Variants in MPP1 observed in about 807,000 individuals in gnomAD.
MPP1 encodes the protein MAGUK p55 scaffold protein 1.
In MPP1, 6 loss-of-function variants were observed where a neutral mutation model predicts 38.2. The ratio of observed to expected loss-of-function variants is 0.16; its 90% CI spans 0.09 to 0.31. The LOEUF (loss-of-function observed/expected upper bound fraction) is 0.31. MPP1 is among the 10% of genes least tolerant of loss of function. MPP1 has a pLI of 1.00. For synonymous variants in MPP1, 153 were observed against 146.3 expected, an observed-to-expected ratio of 1.05 and a Z score of -0.33; for missense variants, 293 against 368.9, an observed-to-expected ratio of 0.79 and a Z score of 1.69.
intron 6 of MPP1, 105 bp downstream of exon 6, chrX:154,786,099 C>G (rs2072069100): frequency 2.6e-6 from 2 of 774,507 alleles, no homozygotes; most frequent in South Asian, 5.3e-5. Context: ...TCTAGGAGGT[C>G]TCCTTGGTTG....
Position 154,778,817 on chromosome X carries a change from A to AAAT in MPP1, c.*357_*359dup, listed in dbSNP as rs1236075861. 1.1e-5 allele frequency: 2 copies of AAAT among 185,317 alleles called. No individual in the cohort carries two copies. The highest frequency in any genetic ancestry group is 2.0e-5 in the Non-Finnish European group (2 of 100,033). The allele number at this position is 185,317 out of a possible 1,213,427, so 15.3% of individuals were successfully genotyped here. A position where few individuals can be genotyped will look rare whatever the true frequency, so the allele number is the denominator to read the frequency against. On this transcript the variant is annotated 3_prime_UTR_variant, in exon 12 of 12. Transcript: ENST00000369534. ...AACGCTTTCTCCAAAATAAAAAGAC[A>AAAT]AATGAAATACCCAGCATATACAGTT... is the stretch of plus-strand genomic sequence containing the variant.
chrX:154,791,265 C>T (rs2072139420), intron 3 of MPP1, 197 bp from the exon 4 acceptor site: 2 of 421,211 alleles, frequency 4.7e-6, no homozygotes. Context: ...AGTAGTCCAA[C>T]AGCACAATAA....
At chrX:154,784,185 C>T in intron 7 of MPP1, 77 bp from the exon 8 acceptor site, 1 of 814,473 alleles carries the variant, frequency 1.2e-6, no homozygotes, top group Non-Finnish European at 1.8e-6. Flanking sequence ...AAATGGGAAA[C>T]AGCCTCGCGA....
chrX:154,791,298 G>A, intron 3 of MPP1: 1 of 396,548 alleles, frequency 2.5e-6, no homozygotes, highest in South Asian at 4.4e-5. Context: ...TCAAATTCCT[G>A]GAACTAGAGT....
At chrX:154,792,099 G>A in intron 2 of MPP1, 43 bp downstream of exon 2, 2 of 1,195,739 alleles carry the variant, frequency 1.7e-6, no homozygotes, top group Non-Finnish European at 2.3e-6. Flanking sequence ...GTGACTCATG[G>A]GGCAGAGAGT....
At chrX:154,780,687 A>G (rs1421757679) in intron 11 of MPP1, among the ~76,000 whole-genome samples, 2 of 111,406 alleles carry the variant, frequency 1.8e-5, no homozygotes, top group Non-Finnish European at 3.7e-5. Flanking sequence ...TGACTGCAGT[A>G]TTACACATGC....
chrX:154,791,979 C>T lies in MPP1; in HGVS notation c.247-132G>A. ...CAGGATAGTCCTCAACTAGAACAGG[C>T]ATGAAGCCTGCTTTGAGGAGGAATT... On this transcript the variant is annotated intron_variant, in intron 2 of 11. Transcript: ENST00000369534. The T allele has an allele frequency of 4.2e-6, 4 of 962,860 alleles. No individual in the cohort carries two copies. In the South Asian group the frequency reaches 8.9e-5, roughly 21 times the overall value. The allele number at this position is 962,860 out of a possible 1,213,427, so 79.4% of individuals were successfully genotyped here. A position where few individuals can be genotyped will look rare whatever the true frequency, so the allele number is the denominator to read the frequency against.
chrX:154,787,505 T>G (rs1557267344), intron 5 of MPP1, among the ~76,000 whole-genome samples: 1 of 112,155 alleles, frequency 8.9e-6, no homozygotes, highest in African/African-American at 3.2e-5. Context: ...AAGCCTGTGA[T>G]AACATTCAAA....
intron 2 of MPP1, 26 bp from the exon 3 acceptor site, chrX:154,791,873 A>G: frequency 8.6e-7 from 1 of 1,158,733 alleles, no homozygotes; most frequent in South Asian, 1.8e-5. Flanking sequence ...CGGCACAATA[A>G]GCTTTATTTT....
chrX:154,781,317 G>GA lies in MPP1; in HGVS notation c.1150-5dup, dbSNP rs781889992. 0.01 allele frequency: 7,647 copies of GA among 747,179 alleles called. No individual in the cohort carries two copies. The highest frequency in any genetic ancestry group is 0.012 in the Middle Eastern group (30 of 2,589). The allele number at this position is 747,179 out of a possible 1,213,427, so 61.6% of individuals were successfully genotyped here. Reference sequence around the variant, plus strand: ...CTGTCCGAACAATTTTCAGGGTCTAGAAAAAAAAAAGAAGGGCGGCGGGGA... The same window carrying GA: ...CTGTCCGAACAATTTTCAGGGTCTAGAAAAAAAAAAAGAAGGGCGGCGGGGA... On this transcript the variant is annotated splice_polypyrimidine_tract_variant and splice_region_variant and intron_variant, in intron 10 of 11. Coordinates refer to ENST00000369534, the MANE Select transcript of MPP1 (RefSeq NM_002436.4).
chrX:154,805,207 G>T (rs1198102151), intron 1 of MPP1, 65 bp downstream of exon 1: 3 of 1,059,270 alleles, frequency 2.8e-6, no homozygotes, highest in Non-Finnish European at 3.9e-6. Context: ...CCGGGACAGG[G>T]AAAGTCCCGA....
In MPP1 at chrX:154,781,233, C is replaced by A; in HGVS notation, c.1224+6G>T. ...GAACTACCCATCGCGCACAACCTCT[C>A]CTCACCTGAGTGCCCTGGTCAGTAG... On this transcript the variant is annotated splice_donor_region_variant and intron_variant, in intron 11 of 11. Transcript: ENST00000369534. 1 of 1,204,034 alleles carries A rather than the reference C, an allele frequency of 8.3e-7. No homozygotes were observed. The highest frequency in any genetic ancestry group is 1.1e-6 in the Non-Finnish European group (1 of 890,427).
chrX:154,804,297 T>C (rs1349741562), intron 1 of MPP1, among the ~76,000 whole-genome samples: 3 of 111,924 alleles, frequency 2.7e-5, no homozygotes, highest in Non-Finnish European at 5.6e-5. Context: ...CATTTATTAA[T>C]TTAGCAAACA....
chrX:154,779,171 A>G lies in MPP1; in HGVS notation c.*6T>C. The G allele has an allele frequency of 1.7e-6, 2 of 1,204,290 alleles. No homozygotes were observed. Among genetic ancestry groups the G allele is most frequent in the African/African-American group, 3.5e-5 (2 of 57,670 alleles). On this transcript the variant is annotated 3_prime_UTR_variant, in exon 12 of 12. Coordinates refer to ENST00000369534, the MANE Select transcript of MPP1 (RefSeq NM_002436.4). ...GGCATACAGTGGGTTCCCCCATTCT[A>G]CAAGCTTAGTAAACCCAGGAGACAG...
intron 1 of MPP1, among the ~76,000 whole-genome samples, chrX:154,802,102 A>C (rs1201767630): frequency 4.5e-5 from 5 of 112,202 alleles, no homozygotes; most frequent in African/African-American, 1.6e-4. Flanking sequence ...CGCACTCGGC[A>C]TGCACCTTGG....
chrX:154,805,399 G>C lies in MPP1; in HGVS notation c.-26C>G. The C allele has an allele frequency of 8.7e-7, 1 of 1,152,591 alleles. No homozygotes were observed. Among genetic ancestry groups the C allele is most frequent in the East Asian group, 3.1e-5 (1 of 31,912 alleles). 95.0% of individuals were successfully genotyped at this position (1,152,591 alleles called of 1,213,427 possible). Reference sequence around the variant, plus strand: ...CTCGCAGAAGCTGGAACACTGGAACGCAAGACAGGGCAGCGCTGGGAATGA... The same window carrying C: ...CTCGCAGAAGCTGGAACACTGGAACCCAAGACAGGGCAGCGCTGGGAATGA... On this transcript the variant is annotated 5_prime_UTR_variant, in exon 1 of 12. Coordinates refer to ENST00000369534, the MANE Select transcript of MPP1 (RefSeq NM_002436.4).
At chrX:154,779,771 T>C (rs184611772) in intron 11 of MPP1, among the ~76,000 whole-genome samples, 1,181 of 112,944 alleles carry the variant, frequency 0.01, 20 homozygotes, top group African/African-American at 0.036. Context: ...CAGGCTGGAG[T>C]GCAGTGGCAC....
chrX:154,779,117 G>A lies in MPP1; in HGVS notation c.*60C>T. 9.0e-7 allele frequency: 1 copy of A among 1,109,665 alleles called. No homozygotes were observed. Among genetic ancestry groups the A allele is most frequent in the East Asian group, 3.0e-5 (1 of 33,177 alleles). 91.4% of individuals were successfully genotyped at this position (1,109,665 alleles called of 1,213,427 possible). ...AGCAGCCCTGTTTGTCTTAAAGCAA[G>A]GCGGGTGGAATTCCAAATGCTGGAG... is the stretch of plus-strand genomic sequence containing the variant. On this transcript the variant is annotated 3_prime_UTR_variant, in exon 12 of 12. Coordinates refer to ENST00000369534, the MANE Select transcript of MPP1 (RefSeq NM_002436.4).
chrX:154,783,648 G>T (rs2072035443), intron 8 of MPP1, 141 bp from the exon 9 acceptor site: 4 of 495,982 alleles, frequency 8.1e-6, no homozygotes. Flanking sequence ...CAACTCTAAA[G>T]ACAGGAAGGT....
Sources: gnomAD v4.1 joint callset for allele counts (sites outside exome capture counted in the v4.1 genomes callset) on GRCh38, gnomAD v4.1.1 for gene constraint, MANE v1.5 for transcripts, NCBI Gene and HGNC (gene_info 2026-07-23, HGNC 2026-07-21) for gene names.